Variants in SNTB2 observed in about 807,000 individuals in gnomAD.
SNTB2 encodes the protein beta-2-syntrophin.
SNTB2 carries 34 observed loss-of-function variants against 46.2 expected under a neutral mutation model. The ratio of observed to expected loss-of-function variants is 0.74; its 90% CI spans 0.56 to 0.98. The LOEUF (loss-of-function observed/expected upper bound fraction) is 0.98. Ranked by LOEUF, SNTB2 falls within the 50% of genes least tolerant of loss-of-function variation. The pLI, the probability that SNTB2 is intolerant of heterozygous loss-of-function variation, is 0.00. For missense variants in SNTB2, 603 were observed against 731.4 expected (o/e 0.82, Z 2.02); for synonymous variants, 290 against 312.6 (o/e 0.93, Z 0.76).
intron 3 of SNTB2, among the ~76,000 whole-genome samples, chr16:69,261,363 A>G (rs1016209302): frequency 2.0e-5 from 3 of 151,080 alleles, no homozygotes; most frequent in Non-Finnish European, 4.4e-5. Flanking sequence ...ATTGTCCCCA[A>G]AGCAGTTCTG....
intron 4 of SNTB2, among the ~76,000 whole-genome samples, chr16:69,276,297 T>C (rs1964984653): frequency 1.3e-5 from 2 of 152,290 alleles, no homozygotes; most frequent in South Asian, 2.1e-4. Context: ...AAAATGCCTT[T>C]GCATGAACTC....
intron 1 of SNTB2, among the ~76,000 whole-genome samples, chr16:69,224,010 C>T (rs540375126): frequency 6.6e-6 from 1 of 152,150 alleles, no homozygotes; most frequent in East Asian, 1.9e-4. Context: ...TAGAATGTCC[C>T]TCAATTGGGT....
Position 69,284,693 on chromosome 16 carries a change from G to A in SNTB2, c.1345+449G>A, listed in dbSNP as rs1965085024. 1.3e-5 allele frequency among the ~76,000 whole-genome samples: 2 copies of A among 152,120 alleles called. 1 individual carries two copies. The highest frequency in any genetic ancestry group is 4.1e-4 in the South Asian group (2 of 4,830). On this transcript the variant is annotated intron_variant, in intron 5 of 6. Coordinates refer to ENST00000336278, the MANE Select transcript of SNTB2 (RefSeq NM_006750.4). ...GGAGGCTGAGGCAGGAGAATTGCTT[G>A]AACTCGGGAGGCGGAGGTTGCAGTG...
chr16:69,242,238 C>A (rs1343051960), intron 1 of SNTB2, among the ~76,000 whole-genome samples: 1 of 151,918 alleles, frequency 6.6e-6, no homozygotes, highest in Non-Finnish European at 1.5e-5. Flanking sequence ...TCAGCCTGGG[C>A]AAAATAGCAA....
intron 1 of SNTB2, among the ~76,000 whole-genome samples, chr16:69,204,732 G>C (rs371756206): frequency 3.1e-4 from 47 of 152,304 alleles, no homozygotes; most frequent in Admixed American, 1.4e-3. Context: ...GAAATCTGCA[G>C]CATTTGCCCC....
chr16:69,232,553 C>T (rs11075711), intron 1 of SNTB2, among the ~76,000 whole-genome samples: 25,346 of 121,436 alleles, frequency 0.21, 2,724 homozygotes, highest in Middle Eastern at 0.37. Context: ...CGCTCTGTTG[C>T]CAGGCTGGAG....
Position 69,245,609 on chromosome 16 carries a change from C to A in SNTB2, c.588C>A (p.Phe196Leu). 1.2e-6 allele frequency: 2 copies of A among 1,613,840 alleles called. No individual in the cohort carries two copies. Among genetic ancestry groups the A allele is most frequent in the South Asian group, 2.2e-5 (2 of 91,006 alleles). Residue 196 changes from phenylalanine (F) to leucine (L), a missense_variant, in exon 2 of 7, where the codon TTC becomes TTA. Transcript: ENST00000336278. Reference sequence around the variant, plus strand: ...TGATTTTTTTGTTCATAGTCAAGTTCATCCGAGAAGTAACACCATATATCA... The same window carrying A: ...TGATTTTTTTGTTCATAGTCAAGTTAATCCGAGAAGTAACACCATATATCA... ...AGKEVLLEVK[F>L]IREVTPYIKK...
intron 1 of SNTB2, among the ~76,000 whole-genome samples, chr16:69,225,505 T>C (rs1265666906): frequency 6.6e-6 from 1 of 152,234 alleles, no homozygotes; most frequent in Non-Finnish European, 1.5e-5. Context: ...CATTAGTAAG[T>C]ATTTTTATAT....
At chr16:69,191,002 A>C (rs1454102353) in intron 1 of SNTB2, 1 of 152,182 alleles carries the variant, frequency 6.6e-6, no homozygotes, top group Non-Finnish European at 1.5e-5. Flanking sequence ...CCAGTTAACA[A>C]AGACACTCTC....
intron 1 of SNTB2, among the ~76,000 whole-genome samples, chr16:69,212,711 C>T (rs77041900): frequency 0.051 from 7,620 of 149,776 alleles, 223 homozygotes; most frequent in East Asian, 0.16. Flanking sequence ...CTTGGCTCAC[C>T]GCAACCTCCG....
At chr16:69,212,425 G>A (rs1469015698) in intron 1 of SNTB2, among the ~76,000 whole-genome samples, 1 of 152,028 alleles carries the variant, frequency 6.6e-6, no homozygotes. Context: ...TGCAACCTCT[G>A]CCTCCCGGGT....
At chr16:69,216,439 T>G (rs1263280673) in intron 1 of SNTB2, among the ~76,000 whole-genome samples, 1 of 152,010 alleles carries the variant, frequency 6.6e-6, no homozygotes, top group Non-Finnish European at 1.5e-5. Flanking sequence ...TCCCAGTACT[T>G]TGGGAGGCCA....
At chr16:69,257,228 C>T (rs745784782) in intron 2 of SNTB2, among the ~76,000 whole-genome samples, 3 of 151,452 alleles carry the variant, frequency 2.0e-5, no homozygotes, top group Non-Finnish European at 4.4e-5. Context: ...ATTCAAGATC[C>T]TCTAAATTCT....
chr16:69,308,061 GA>G lies in SNTB2; in HGVS notation c.*7139del, dbSNP rs1394523850. ...AGTGATTGGAATGGCACAGGAAACC[GA>G]ATCACATGGGTGCCCTCCCCTTGGT... On this transcript the variant is annotated 3_prime_UTR_variant, in exon 7 of 7. Coordinates refer to ENST00000336278, the MANE Select transcript of SNTB2 (RefSeq NM_006750.4). 1 of 152,586 alleles carries G rather than the reference GA, an allele frequency of 6.6e-6. No homozygotes were observed. The highest frequency in any genetic ancestry group is 1.5e-5 in the Non-Finnish European group (1 of 68,038). 9.5% of individuals were successfully genotyped at this position (152,586 alleles called of 1,614,324 possible). A position where few individuals can be genotyped will look rare whatever the true frequency, so the allele number is the denominator to read the frequency against.
chr16:69,255,202 A>T (rs536040585), intron 2 of SNTB2, among the ~76,000 whole-genome samples: 10 of 151,952 alleles, frequency 6.6e-5, no homozygotes, highest in African/African-American at 2.4e-4. Context: ...TGCTCAAGAG[A>T]TCTTCCCGCC....
chr16:69,234,226 G>A (rs1475846734), intron 1 of SNTB2, among the ~76,000 whole-genome samples: 2 of 152,116 alleles, frequency 1.3e-5, no homozygotes, highest in African/African-American at 2.4e-5. Context: ...CCAGCTACTA[G>A]GGAGCCTAAG....
intron 4 of SNTB2, among the ~76,000 whole-genome samples, chr16:69,272,885 G>A (rs540120410): frequency 5.8e-4 from 62 of 106,946 alleles, no homozygotes; most frequent in African/African-American, 2.6e-3. Context: ...GCCAGACTCT[G>A]TCTCAAAAAA....
chr16:69,229,367 G>A (rs1182054295), intron 1 of SNTB2, among the ~76,000 whole-genome samples: 7 of 151,236 alleles, frequency 4.6e-5, no homozygotes, highest in Non-Finnish European at 1.0e-4. Flanking sequence ...ATAGGATTTT[G>A]CCATGTTGCC....
At chr16:69,261,680 T>C (rs1322708026) in intron 3 of SNTB2, among the ~76,000 whole-genome samples, 1 of 152,180 alleles carries the variant, frequency 6.6e-6, no homozygotes, top group Non-Finnish European at 1.5e-5. Context: ...TATATGCTAG[T>C]TGAAAAACTG....
Sources: allele counts gnomAD v4.1 joint callset (sites outside exome capture counted in the v4.1 genomes callset), GRCh38; gene constraint gnomAD v4.1.1; transcripts MANE v1.5; gene names NCBI Gene and HGNC (gene_info 2026-07-23, HGNC 2026-07-21).